The following SMYD1 variants were observed in gnomAD, a reference collection of about 807,000 sequenced individuals.
The protein encoded by SMYD1 is histone-lysine N-methyltransferase SMYD1.
Under a neutral mutation model 54.0 loss-of-function variants are expected in SMYD1, and 49 were observed. The observed-to-expected ratio is 0.91, with a 90% CI of 0.72 to 1.15. The LOEUF (loss-of-function observed/expected upper bound fraction) is 1.15. Among genes scored for constraint, SMYD1 ranks in the 50% most tolerant of loss-of-function variants. The pLI is 0.00. For synonymous variants in SMYD1, 269 were observed against 234.2 expected (o/e 1.15, Z -1.36); for missense variants, 653 against 639.6 (o/e 1.02, Z -0.23).
chr2:88,087,205 C>T (rs1281910348), intron 2 of SMYD1, among the ~76,000 whole-genome samples: 1 of 151,988 alleles, frequency 6.6e-6, no homozygotes, highest in African/African-American at 2.4e-5. Context: ...ATTTTACAAG[C>T]CACCAGATAG....
intron 4 of SMYD1, among the ~76,000 whole-genome samples, chr2:88,092,385 A>G (rs1024147455): frequency 6.6e-6 from 1 of 152,300 alleles, no homozygotes; most frequent in African/African-American, 2.4e-5. Context: ...TAGGGGAATG[A>G]GGCCCGAGCA....
chr2:88,084,026 G>A (rs182339527), intron 1 of SMYD1, among the ~76,000 whole-genome samples: 38 of 152,230 alleles, frequency 2.5e-4, no homozygotes, highest in Non-Finnish European at 4.3e-4. Context: ...CCTGGGAGGC[G>A]GAGGTTGCAG....
chr2:88,071,447 C>T lies in SMYD1; in HGVS notation c.137+3446C>T, dbSNP rs1041761557. On this transcript the variant is annotated intron_variant, in intron 1 of 9. Transcript: ENST00000419482. ...TTAGGATCTCTTCACCTTTGATGGTCGGAAAAGCAGGTACTCTTCTTGAAG... is the reference window on the plus strand; with the variant it reads ...TTAGGATCTCTTCACCTTTGATGGTTGGAAAAGCAGGTACTCTTCTTGAAG... 1.1e-4 allele frequency among the ~76,000 whole-genome samples: 16 copies of T among 152,048 alleles called. No homozygotes were observed. In the South Asian group the frequency reaches 2.1e-3, roughly 20 times the overall value.
intron 1 of SMYD1, chr2:88,082,619 C>T (rs1674224408): frequency 6.5e-6 from 1 of 154,404 alleles, no homozygotes; most frequent in African/African-American, 2.4e-5. Flanking sequence ...TGCTTGATTT[C>T]TCAGCTAAAC....
chr2:88,080,927 G>A (rs1009838226), intron 1 of SMYD1, among the ~76,000 whole-genome samples: 13 of 150,418 alleles, frequency 8.6e-5, no homozygotes, highest in African/African-American at 3.2e-4. Context: ...TTTTGAGATG[G>A]AGTCTCACTG....
rs572575407 is a variant in SMYD1, at chr2:88,090,916, G to A, written c.529-96G>A. On this transcript the variant is annotated intron_variant, in intron 3 of 9. Coordinates refer to ENST00000419482, the MANE Select transcript of SMYD1 (RefSeq NM_198274.4). Reference sequence around the variant, plus strand: ...GACTCCCTAAGCATCTCCAGGGTGAGACTGGGTCTTCTGTTTTTTAAAACT... The same window carrying A: ...GACTCCCTAAGCATCTCCAGGGTGAAACTGGGTCTTCTGTTTTTTAAAACT... 3.6e-6 allele frequency: 5 copies of A among 1,405,352 alleles called. No individual in the cohort carries two copies. The South Asian group carries it at 6.8e-5, about 19-fold the overall frequency. 87.1% of individuals were successfully genotyped at this position (1,405,352 alleles called of 1,614,324 possible).
chr2:88,110,308 C>T, intron 9 of SMYD1, 46 bp from the exon 10 acceptor site: 1 of 1,567,212 alleles, frequency 6.4e-7, no homozygotes, highest in Non-Finnish European at 8.7e-7. Context: ...ACCAGCATGT[C>T]CTAGGGGCTT....
chr2:88,071,022 G>GT (rs1484354387), intron 1 of SMYD1, among the ~76,000 whole-genome samples: 7 of 144,466 alleles, frequency 4.8e-5, no homozygotes, highest in Non-Finnish European at 1.1e-4. Flanking sequence ...ATTTAGTTAT[G>GT]TTTTGTTTTT....
intron 7 of SMYD1, among the ~76,000 whole-genome samples, chr2:88,105,372 CAT>C (rs138375841): frequency 2.7e-5 from 4 of 146,026 alleles, no homozygotes; most frequent in African/African-American, 7.8e-5. Context: ...TATGCGCATG[CAT>C]ATATACACAC....
rs771866113 is a variant in SMYD1 at position 88,084,308 on chromosome 2, A to T, written c.138-8A>T. On this transcript the variant is annotated splice_polypyrimidine_tract_variant and splice_region_variant and intron_variant, in intron 1 of 9. Coordinates refer to ENST00000419482, the MANE Select transcript of SMYD1 (RefSeq NM_198274.4). The stretch of plus-strand genomic sequence containing the variant: ...TCCCAATCATGTGTCTTCTTTCTCC[A>T]TTTCCAGCCTTGTTAATTTTGTGTG... 2 of 1,556,740 alleles carry T rather than the reference A, an allele frequency of 1.3e-6. No homozygotes were observed. The highest frequency in any genetic ancestry group is 2.3e-5 in the South Asian group (2 of 86,068).
intron 1 of SMYD1, 58 bp downstream of exon 1, chr2:88,068,059 A>C (rs978291731): frequency 1.6e-5 from 24 of 1,547,956 alleles, no homozygotes; most frequent in Non-Finnish European, 1.9e-5. Context: ...CCAAACTCTA[A>C]AATACTTTGC....
At position 88,087,845 on chromosome 2, in the gene SMYD1, C is replaced by A; in HGVS notation, c.315-17C>A. On this transcript the variant is annotated splice_polypyrimidine_tract_variant and intron_variant, in intron 2 of 9. Coordinates refer to ENST00000419482, the MANE Select transcript of SMYD1 (RefSeq NM_198274.4). Reference sequence around the variant, plus strand: ...GAATGCAGCTGTAGTGGCCTCCTGACGCTGCCCTTCCCACAGGCTGGCGGC... The same window carrying A: ...GAATGCAGCTGTAGTGGCCTCCTGAAGCTGCCCTTCCCACAGGCTGGCGGC... 6.5e-7 allele frequency: 1 copy of A among 1,545,456 alleles called. No homozygotes were observed. Among genetic ancestry groups the A allele is most frequent in the Non-Finnish European group, 8.7e-7 (1 of 1,145,150 alleles).
At position 88,107,211 on chromosome 2, in the gene SMYD1, T is replaced by C. The variant is rs531365035; in HGVS notation, c.1145+723T>C. Reference sequence around the variant, plus strand: ...GCAAGACTGTCTCAAAAAAAAAAAATTGTAAAATTCAATTCCCTTGCCTTC... The same window carrying C: ...GCAAGACTGTCTCAAAAAAAAAAAACTGTAAAATTCAATTCCCTTGCCTTC... On this transcript the variant is annotated intron_variant, in intron 8 of 9. Transcript: ENST00000419482. 2.7e-5 allele frequency among the ~76,000 whole-genome samples: 4 copies of C among 150,752 alleles called. No homozygotes were observed. The South Asian group carries it at 6.2e-4, about 24-fold the overall frequency.
Position 88,111,859 on chromosome 2 carries a change from C to T in SMYD1, c.*1347C>T, listed in dbSNP as rs1015298171. On this transcript the variant is annotated 3_prime_UTR_variant, in exon 10 of 10. Transcript: ENST00000419482. Reference sequence around the variant, plus strand: ...GTTTGGGGTGTCACCAAGACTTCTACACAACCCAGGACTACCATTGACCTC... The same window carrying T: ...GTTTGGGGTGTCACCAAGACTTCTATACAACCCAGGACTACCATTGACCTC... 1 of 514,550 alleles carries T rather than the reference C, an allele frequency of 1.9e-6. No homozygotes were observed. Among genetic ancestry groups the T allele is most frequent in the Non-Finnish European group, 3.5e-6 (1 of 287,340 alleles). 31.9% of individuals were successfully genotyped at this position (514,550 alleles called of 1,614,324 possible). A position where few individuals can be genotyped will look rare whatever the true frequency, so the allele number is the denominator to read the frequency against.
rs188347413 is a variant in SMYD1, at chr2:88,097,745, G to A, written c.888+961G>A. Among the ~76,000 whole-genome samples, 805 of 152,134 alleles carry A rather than the reference G, an allele frequency of 5.3e-3. 40 individuals carry two copies. The highest frequency in any genetic ancestry group is 0.044 in the Admixed American group (669 of 15,274). On this transcript the variant is annotated intron_variant, in intron 6 of 9. Coordinates refer to ENST00000419482, the MANE Select transcript of SMYD1 (RefSeq NM_198274.4). ...GGCTAGACTTCAACATATGAATTTTGGGAGGATACAATTTAACCCCTAACA... is the reference window on the plus strand; with the variant it reads ...GGCTAGACTTCAACATATGAATTTTAGGAGGATACAATTTAACCCCTAACA...
chr2:88,109,717 A>G (rs778901830), intron 9 of SMYD1, among the ~76,000 whole-genome samples: 132 of 152,192 alleles, frequency 8.7e-4, no homozygotes, highest in Non-Finnish European at 1.6e-3. Flanking sequence ...CATCTATAAA[A>G]TGGAAATAAT....
chr2:88,097,696 A>T (rs1674626420), intron 6 of SMYD1, among the ~76,000 whole-genome samples: 1 of 152,158 alleles, frequency 6.6e-6, no homozygotes, highest in South Asian at 2.1e-4. Context: ...GCCAAGTAAG[A>T]TTTCATTTTG....
chr2:88,075,892 C>T (rs1674051571), intron 1 of SMYD1, among the ~76,000 whole-genome samples: 1 of 152,168 alleles, frequency 6.6e-6, no homozygotes, highest in African/African-American at 2.4e-5. Flanking sequence ...AAACATGAAT[C>T]TCATGATCTC....
At chr2:88,071,588 A>G (rs538515567) in intron 1 of SMYD1, among the ~76,000 whole-genome samples, 6 of 152,274 alleles carry the variant, frequency 3.9e-5, no homozygotes, top group South Asian at 4.1e-4. Flanking sequence ...CTGAACTCCA[A>G]CTTGGCCTCA....
Sources: allele counts gnomAD v4.1 joint callset (sites outside exome capture counted in the v4.1 genomes callset), GRCh38; gene constraint gnomAD v4.1.1; transcripts MANE v1.5; gene names NCBI Gene and HGNC (gene_info 2026-07-23, HGNC 2026-07-21).